MAEA: variants seen among roughly 807,000 people sequenced by gnomAD.
MAEA encodes the protein macrophage erythroblast attacher, E3 ubiquitin ligase, also known as E3 ubiquitin-protein transferase MAEA.
In MAEA, 22 loss-of-function variants were observed where a neutral mutation model predicts 46.2. The ratio of observed to expected loss-of-function variants is 0.48; its 90% CI spans 0.34 to 0.68. MAEA has a LOEUF of 0.68. Ranked by LOEUF, MAEA falls within the 30% of genes least tolerant of loss-of-function variation. MAEA has a pLI of 0.01. For synonymous variants in MAEA, 246 were observed against 222.6 expected, an observed-to-expected ratio of 1.11 and a Z score of -0.94; for missense variants, 393 against 558.1, an observed-to-expected ratio of 0.70 and a Z score of 2.98.
In MAEA at chr4:1,336,945, T is replaced by A. The variant is rs1171808834; in HGVS notation, c.850T>A (p.Ser284Thr). Residue 284 changes from serine to threonine, a missense_variant, in exon 7 of 9, where the codon TCT becomes ACT. Physicochemically the swap from Ser to Thr is moderately conservative, Grantham distance 58. Coordinates refer to ENST00000303400, the MANE Select transcript of MAEA (RefSeq NM_001017405.3). ...CCGACTACACCAGCTGGGAAACAAT[T>A]CTGTGTTCACCCTCACCCTGCAGGC... ...NYRLHQLGNN[S>T]VFTLTLQAGL... is the part of the protein sequence containing the mutation. The A allele has an allele frequency of 6.2e-7, 1 of 1,614,042 alleles. No individual in the cohort carries two copies. Among genetic ancestry groups the A allele is most frequent in the Non-Finnish European group, 8.5e-7 (1 of 1,180,008 alleles).
At chr4:1,301,962 C>T (rs532896916) in intron 1 of MAEA, among the ~76,000 whole-genome samples, 2 of 144,412 alleles carry the variant, frequency 1.4e-5, no homozygotes, top group East Asian at 2.4e-4. Context: ...CTTCTAAAAA[C>T]AGTTAAGGAG....
At chr4:1,321,031 C>T (rs1440214971) in intron 3 of MAEA, among the ~76,000 whole-genome samples, 2 of 152,206 alleles carry the variant, frequency 1.3e-5, no homozygotes, top group Admixed American at 1.3e-4. Flanking sequence ...ACCCAGGAGG[C>T]GGAGCTTGCA....
intron 1 of MAEA, among the ~76,000 whole-genome samples, chr4:1,298,400 C>T (rs534949939): frequency 6.6e-6 from 1 of 152,156 alleles, no homozygotes; most frequent in East Asian, 1.9e-4. Flanking sequence ...GCACACGCGC[C>T]GTCTTCTGGT....
intron 7 of MAEA, chr4:1,337,217 C>A: frequency 1.8e-6 from 1 of 570,208 alleles, no homozygotes; most frequent in Non-Finnish European, 3.1e-6. Flanking sequence ...GGCGCGCTTC[C>A]TCTCTCATCA....
Position 1,315,489 on chromosome 4 carries a change from G to C in MAEA, c.345G>C (p.Ala115=), listed in dbSNP as rs370344362. ...AAGAGCATAGCAGCGACCAGCCCGC[G>C]GCGGCCAGCGTGTGGAAGAGGAAGC... The part of the protein sequence containing the change: ...HLKEHSSDQP[A]AASVWKRKRM... Residue 115 remains alanine (A), a synonymous_variant, in exon 3 of 9, where the codon GCG becomes GCC. Transcript: ENST00000303400. The C allele has an allele frequency of 6.2e-7, 1 of 1,613,874 alleles. No homozygotes were observed. The highest frequency in any genetic ancestry group is 1.3e-5 in the African/African-American group (1 of 75,046).
intron 6 of MAEA, among the ~76,000 whole-genome samples, chr4:1,336,240 G>A (rs1310935062): frequency 1.3e-5 from 2 of 151,484 alleles, no homozygotes; most frequent in Non-Finnish European, 2.9e-5. Context: ...GTCAGCCCTT[G>A]TCCTGCAGGT....
rs919413111 is a variant in MAEA at position 1,319,586 on chromosome 4, C to T, written c.457-2795C>T. 4.7e-5 allele frequency among the ~76,000 whole-genome samples: 3 copies of T among 63,366 alleles called. No homozygotes were observed. The South Asian group carries it at 1.3e-3, about 26-fold the overall frequency. 41.6% of individuals were successfully genotyped at this position (63,366 alleles called of 152,430 possible). ...CATGAGGCAGGATATAGACCAGGAG[C>T]CACCTCCTGAAATTTAGAGCAAAAC... On this transcript the variant is annotated intron_variant, in intron 3 of 8. Transcript: ENST00000303400.
intron 2 of MAEA, among the ~76,000 whole-genome samples, chr4:1,314,492 C>T (rs1343112154): frequency 1.3e-5 from 2 of 152,138 alleles, no homozygotes; most frequent in Non-Finnish European, 2.9e-5. Flanking sequence ...AGCACAGAGA[C>T]TGAAAAATCA....
intron 1 of MAEA, among the ~76,000 whole-genome samples, chr4:1,298,294 C>G (rs183681612): frequency 2.5e-3 from 384 of 152,260 alleles, no homozygotes; most frequent in Non-Finnish European, 3.7e-3. Context: ...ATGCACCAGA[C>G]CCCCTGCCCC....
chr4:1,294,567 C>T (rs1348358254), intron 1 of MAEA, among the ~76,000 whole-genome samples: 1 of 151,856 alleles, frequency 6.6e-6, no homozygotes, highest in Non-Finnish European at 1.5e-5. Flanking sequence ...GCTGCAGGTG[C>T]ACTTAGCTTC....
chr4:1,318,013 A>G (rs1281745160), intron 3 of MAEA, among the ~76,000 whole-genome samples: 1 of 152,148 alleles, frequency 6.6e-6, no homozygotes, highest in African/African-American at 2.4e-5. Context: ...GCACCTGCCC[A>G]GGCTCATGTG....
At chr4:1,337,716 A>T (rs1577249565) in intron 7 of MAEA, 1 of 167,060 alleles carries the variant, frequency 6.0e-6, no homozygotes, top group Admixed American at 6.3e-5. Context: ...CCTGTGACTG[A>T]CTCTGCCCCT....
At chr4:1,308,502 C>T (rs1034448188) in intron 1 of MAEA, among the ~76,000 whole-genome samples, 1 of 152,258 alleles carries the variant, frequency 6.6e-6, no homozygotes, top group African/African-American at 2.4e-5. Flanking sequence ...GAGGAATTGC[C>T]TCGCTGCTCT....
At chr4:1,307,136 T>C (rs181442750) in intron 1 of MAEA, among the ~76,000 whole-genome samples, 3 of 152,364 alleles carry the variant, frequency 2.0e-5, no homozygotes, top group Non-Finnish European at 4.4e-5. Context: ...CATTTTTTAA[T>C]TTAAAAAGAT....
intron 5 of MAEA, chr4:1,328,757 G>A: frequency 8.5e-7 from 1 of 1,176,110 alleles, no homozygotes; most frequent in South Asian, 1.5e-5. Context: ...CCCTTGCGTG[G>A]ACCCTGGAGA....
rs1281808033 is a variant in MAEA at position 1,302,230 on chromosome 4, A to G, written c.70-9749A>G. Among the ~76,000 whole-genome samples the G allele has an allele frequency of 1.3e-5, 2 of 152,262 alleles. 1 individual carries two copies. The highest frequency in any genetic ancestry group is 4.8e-5 in the African/African-American group (2 of 41,474). On this transcript the variant is annotated intron_variant, in intron 1 of 8. Coordinates refer to ENST00000303400, the MANE Select transcript of MAEA (RefSeq NM_001017405.3). ...TGTGAAAATCAATGTCGTGTATCAT[A>G]TTAATAGAATGAAGGACAACAACCA...
Position 1,317,706 on chromosome 4 carries a change from G to A in MAEA, c.456+2106G>A, listed in dbSNP as rs534928825. 7.9e-5 allele frequency among the ~76,000 whole-genome samples: 12 copies of A among 152,332 alleles called. No individual in the cohort carries two copies. In the East Asian group the frequency reaches 1.2e-3, roughly 15 times the overall value. The stretch of plus-strand genomic sequence containing the variant: ...CGGCACCGCTGGGGTATGGCGTCTC[G>A]GTTCACAAGCGTGAATGTGATGTGT... On this transcript the variant is annotated intron_variant, in intron 3 of 8. Transcript: ENST00000303400.
intron 3 of MAEA, among the ~76,000 whole-genome samples, chr4:1,317,660 C>G (rs1331677469): frequency 6.6e-6 from 1 of 152,178 alleles, no homozygotes; most frequent in Non-Finnish European, 1.5e-5. Context: ...TCTGCCCAGA[C>G]CTGCACAGCA....
chr4:1,291,528 T>G (rs1019921426), intron 1 of MAEA, among the ~76,000 whole-genome samples: 5 of 152,208 alleles, frequency 3.3e-5, no homozygotes, highest in Non-Finnish European at 7.3e-5. Context: ...TGTGGTGATA[T>G]TAGTAGGGAG....
Sources: gnomAD v4.1 joint callset for allele counts (sites outside exome capture counted in the v4.1 genomes callset) on GRCh38, gnomAD v4.1.1 for gene constraint, MANE v1.5 for transcripts, NCBI Gene and HGNC (gene_info 2026-07-23, HGNC 2026-07-21) for gene names.